Variants in TENM1 observed in about 807,000 individuals in gnomAD.
TENM1 encodes teneurin-1.
In TENM1, 35 loss-of-function variants were observed where a neutral mutation model predicts 174.8. The observed-to-expected ratio is 0.20, with a 90% CI of 0.15 to 0.27. TENM1 has a LOEUF of 0.27. Ranked by LOEUF, TENM1 falls within the 10% of genes least tolerant of loss-of-function variation. The pLI is 1.00. For missense variants in TENM1, 1,633 were observed against 2,130.1 expected, an observed-to-expected ratio of 0.77 and a Z score of 4.59; for synonymous variants, 781 against 798.7, an observed-to-expected ratio of 0.98 and a Z score of 0.37.
At chrX:124,476,275 G>A (rs989052835) in intron 22 of TENM1, among the ~76,000 whole-genome samples, 2 of 112,204 alleles carry the variant, frequency 1.8e-5, no homozygotes, top group Non-Finnish European at 3.8e-5. Context: ...CCAGGAGAAT[G>A]AGTAGGGCTT....
At chrX:124,482,916 C>G (rs1351856888) in intron 21 of TENM1, among the ~76,000 whole-genome samples, 1 of 112,169 alleles carries the variant, frequency 8.9e-6, no homozygotes, top group Non-Finnish European at 1.9e-5. Flanking sequence ...TCCCTAATCC[C>G]TCTTTTGCTC....
chrX:125,069,700 T>C, the TENM1 span, among the ~76,000 whole-genome samples: 1 of 111,088 alleles, frequency 9.0e-6, no homozygotes, highest in Non-Finnish European at 1.9e-5. Flanking sequence ...CAAACCACCA[T>C]GGCACATGTT....
In TENM1 at chrX:124,471,246, A is replaced by AGTACTATAT. The variant is rs1358572524; in HGVS notation, c.3949+10485_3949+10486insATATAGTAC. 6.2e-4 allele frequency among the ~76,000 whole-genome samples: 40 copies of AGTACTATAT among 64,366 alleles called. 2 individuals carry two copies. The highest frequency in any genetic ancestry group is 2.4e-3 in the African/African-American group (35 of 14,671). 55.9% of individuals were successfully genotyped at this position (64,366 alleles called of 115,157 possible). Reference sequence around the variant, plus strand: ...ATATATAGTACTATATATAATATATAATAATATATATTATAATATATAGTA... The same window carrying AGTACTATAT: ...ATATATAGTACTATATATAATATATAGTACTATATATAATATATATTATAATATATAGTA... On this transcript the variant is annotated intron_variant, in intron 22 of 31. Transcript: ENST00000422452.
At chrX:125,034,549 C>G in the TENM1 span, among the ~76,000 whole-genome samples, 1 of 111,529 alleles carries the variant, frequency 9.0e-6, no homozygotes, top group South Asian at 3.8e-4. Context: ...CAAGAAAGAT[C>G]CTGTTACATG....
At chrX:124,626,976 TCTAA>T (rs996471327) in intron 11 of TENM1, among the ~76,000 whole-genome samples, 1 of 112,510 alleles carries the variant, frequency 8.9e-6, no homozygotes, top group African/African-American at 3.2e-5. Context: ...GATTCTCCTC[TCTAA>T]CTACCCATCG....
the TENM1 span, among the ~76,000 whole-genome samples, chrX:125,155,801 G>T: frequency 2.7e-5 from 3 of 112,521 alleles, no homozygotes; most frequent in Non-Finnish European, 5.6e-5. Flanking sequence ...GTTCTGGCCC[G>T]CAAGCACTGC....
At chrX:125,111,019 C>A in the TENM1 span, among the ~76,000 whole-genome samples, 1 of 111,953 alleles carries the variant, frequency 8.9e-6, no homozygotes, top group South Asian at 3.7e-4. Flanking sequence ...TAGTTCTGGG[C>A]ACATGGTAGG....
chrX:125,071,281 A>G, the TENM1 span, among the ~76,000 whole-genome samples: 1 of 111,961 alleles, frequency 8.9e-6, no homozygotes, highest in East Asian at 2.8e-4. Context: ...ACTCATTTTT[A>G]TGAGAAAAAC....
chrX:124,678,812 T>A (rs1407543258), intron 5 of TENM1, among the ~76,000 whole-genome samples: 1 of 111,446 alleles, frequency 9.0e-6, no homozygotes, highest in Non-Finnish European at 1.9e-5. Context: ...TCCTTTTAGG[T>A]ATTTAAATTT....
At chrX:124,575,646 T>C (rs1238354058) in intron 11 of TENM1, among the ~76,000 whole-genome samples, 1 of 112,384 alleles carries the variant, frequency 8.9e-6, no homozygotes, top group African/African-American at 3.2e-5. Flanking sequence ...ACTGGTTAAC[T>C]GTTCTTTGGT....
intron 5 of TENM1, among the ~76,000 whole-genome samples, chrX:124,684,395 C>T (rs2052310342): frequency 8.9e-6 from 1 of 112,744 alleles, no homozygotes; most frequent in South Asian, 3.6e-4. Flanking sequence ...CCCAGGCTTA[C>T]ACAGCACAGT....
At chrX:124,704,963 A>G (rs1381203509) in intron 5 of TENM1, 50 bp downstream of exon 8, 1 of 1,045,415 alleles carries the variant, frequency 9.6e-7, no homozygotes. Flanking sequence ...CCACAAGCAA[A>G]ACAAGACTTT....
chrX:124,830,847 T>A (rs745544943), intron 3 of TENM1, among the ~76,000 whole-genome samples: 1 of 112,277 alleles, frequency 8.9e-6, no homozygotes, highest in Non-Finnish European at 1.9e-5. Flanking sequence ...GTTTGGACAC[T>A]GAACTCCACA....
At chrX:124,489,733 C>T (rs1170598581) in intron 20 of TENM1, among the ~76,000 whole-genome samples, 1 of 111,914 alleles carries the variant, frequency 8.9e-6, no homozygotes, top group Non-Finnish European at 1.9e-5. Flanking sequence ...AGTGACCTGG[C>T]ATCATGAGAC....
chrX:124,974,982 G>A, the TENM1 span, among the ~76,000 whole-genome samples: 2 of 102,502 alleles, frequency 2.0e-5, no homozygotes, highest in Non-Finnish European at 4.0e-5. Context: ...CCCAAAATGC[G>A]GGCCCAGGAA....
the TENM1 span, among the ~76,000 whole-genome samples, chrX:125,180,535 AT>A: frequency 5.0e-4 from 54 of 107,495 alleles, no homozygotes; most frequent in African/African-American, 9.7e-4. Flanking sequence ...AAAATAAAAA[AT>A]ATATATTTAT....
chrX:124,592,192 G>A (rs1348717675), intron 11 of TENM1, among the ~76,000 whole-genome samples: 1 of 111,353 alleles, frequency 9.0e-6, no homozygotes, highest in East Asian at 2.8e-4. Context: ...ATCTCATTGA[G>A]CTTCTTTGTA....
chrX:124,987,520 T>A, the TENM1 span, among the ~76,000 whole-genome samples: 2 of 111,921 alleles, frequency 1.8e-5, no homozygotes, highest in Non-Finnish European at 3.8e-5. Context: ...ATGTTTATGA[T>A]ACAATGATAA....
chrX:124,470,412 G>A (rs1248484722), intron 22 of TENM1, among the ~76,000 whole-genome samples: 1 of 110,915 alleles, frequency 9.0e-6, no homozygotes, highest in African/African-American at 3.3e-5. Context: ...TATATATATA[G>A]GTCTGGAAGG....
Sources: gnomAD v4.1 joint callset for allele counts (sites outside exome capture counted in the v4.1 genomes callset) on GRCh38, gnomAD v4.1.1 for gene constraint, MANE v1.5 for transcripts, NCBI Gene and HGNC (gene_info 2026-07-23, HGNC 2026-07-21) for gene names.